MTUS2: variants seen among roughly 807,000 people sequenced by gnomAD.
The protein encoded by MTUS2 is microtubule associated scaffold protein 2.
Under a neutral mutation model 114.1 loss-of-function variants are expected in MTUS2, and 40 were observed. The ratio of observed to expected loss-of-function variants is 0.35; its 90% CI spans 0.27 to 0.46. The LOEUF (loss-of-function observed/expected upper bound fraction) is 0.46. Among genes scored for constraint, MTUS2 ranks in the 20% least tolerant of loss-of-function variants. MTUS2 has a pLI of 1.00. For synonymous variants in MTUS2, 688 were observed against 672.0 expected, an observed-to-expected ratio of 1.02 and a Z score of -0.37; for missense variants, 1,679 against 1,705.4, an observed-to-expected ratio of 0.98 and a Z score of 0.27.
chr13:29,119,708 G>A (rs1430967135), intron 5 of MTUS2, among the ~76,000 whole-genome samples: 10 of 152,112 alleles, frequency 6.6e-5, no homozygotes, highest in Non-Finnish European at 1.3e-4. Context: ...TCAACCTCCT[G>A]TAGCCTTTTT....
chr13:29,498,643 A>C (rs1386529293), intron 14 of MTUS2, 106 bp downstream of exon 14: 3 of 1,452,932 alleles, frequency 2.1e-6, no homozygotes, highest in Admixed American at 1.9e-5. Context: ...TTACCTGCCC[A>C]TTGCTTACAC....
chr13:29,503,288 A>G lies in MTUS2; in HGVS notation c.*82A>G, dbSNP rs1185974249. The G allele has an allele frequency of 9.3e-6, 14 of 1,511,468 alleles. No individual in the cohort carries two copies. The highest frequency in any genetic ancestry group is 9.0e-7 in the Non-Finnish European group (1 of 1,105,572). 93.6% of individuals were successfully genotyped at this position (1,511,468 alleles called of 1,614,324 possible). Reference sequence around the variant, plus strand: ...GGGAGCACCGACCCGGTGCCGCCGGAGCTGGCCCTGTGCGCATGCTCAGTA... The same window carrying G: ...GGGAGCACCGACCCGGTGCCGCCGGGGCTGGCCCTGTGCGCATGCTCAGTA... On this transcript the variant is annotated 3_prime_UTR_variant, in exon 16 of 16. Coordinates refer to ENST00000612955, the MANE Select transcript of MTUS2 (RefSeq NM_001033602.4).
rs543458383 is a variant in MTUS2, at chr13:29,457,491, G to A, written c.3184+17442G>A. Among the ~76,000 whole-genome samples the A allele has an allele frequency of 5.5e-5, 8 of 146,498 alleles. No homozygotes were observed. The South Asian group carries it at 1.7e-3, about 32-fold the overall frequency. ...GTTTGCTCCTTTTTATTGTTGACTA[G>A]CATTCCATTTGCATGAGTAACTATA... On this transcript the variant is annotated intron_variant, in intron 9 of 15. Coordinates refer to ENST00000612955, the MANE Select transcript of MTUS2 (RefSeq NM_001033602.4).
chr13:28,862,089 T>C (rs1354831796), intron 2 of MTUS2, among the ~76,000 whole-genome samples: 2 of 152,198 alleles, frequency 1.3e-5, no homozygotes, highest in Non-Finnish European at 2.9e-5. Context: ...CCCTTGTCTA[T>C]AGATACCCCC....
chr13:28,873,320 A>G (rs868043854), intron 2 of MTUS2, among the ~76,000 whole-genome samples: 15 of 152,192 alleles, frequency 9.9e-5, no homozygotes, highest in Admixed American at 1.3e-4. Flanking sequence ...CATCTCTTTG[A>G]GAAGTTAACC....
At chr13:29,133,011 A>G (rs907310305) in intron 5 of MTUS2, among the ~76,000 whole-genome samples, 5 of 151,806 alleles carry the variant, frequency 3.3e-5, no homozygotes, top group Admixed American at 6.6e-5. Context: ...CACATTCTTG[A>G]CAACACTTGT....
At chr13:28,958,193 T>C (rs2138200993) in intron 2 of MTUS2, among the ~76,000 whole-genome samples, 1 of 152,370 alleles carries the variant, frequency 6.6e-6, no homozygotes, top group Admixed American at 6.5e-5. Context: ...TTTGGAATCC[T>C]CAGCTCCCAG....
chr13:29,232,277 T>TAC (rs869185360), intron 5 of MTUS2, among the ~76,000 whole-genome samples: 165 of 87,566 alleles, frequency 1.9e-3, no homozygotes, highest in Middle Eastern at 0.01. Flanking sequence ...TATACATACA[T>TAC]ACACACACAC....
At chr13:29,452,590 G>T (rs1318814987) in intron 9 of MTUS2, among the ~76,000 whole-genome samples, 7 of 137,662 alleles carry the variant, frequency 5.1e-5, no homozygotes, top group African/African-American at 1.9e-4. Flanking sequence ...GTGTGTGTGT[G>T]TGTGTGTGTG....
chr13:29,197,055 A>AATTTTTTTT (rs1278769963), intron 5 of MTUS2, among the ~76,000 whole-genome samples: 1 of 152,062 alleles, frequency 6.6e-6, no homozygotes, highest in Non-Finnish European at 1.5e-5. Flanking sequence ...GTGGGTGTAC[A>AATTTTTTTT]ATTTTTTTTA....
intron 6 of MTUS2, among the ~76,000 whole-genome samples, chr13:29,315,733 A>G (rs1899961973): frequency 6.6e-6 from 1 of 152,204 alleles, no homozygotes; most frequent in South Asian, 2.1e-4. Flanking sequence ...AGTAGAAGTA[A>G]AGGAATCTGG....
chr13:29,487,793 T>C, intron 10 of MTUS2, 107 bp from the exon 11 acceptor site: 2 of 861,542 alleles, frequency 2.3e-6, no homozygotes, highest in Admixed American at 3.5e-5. Context: ...CACAAGGCTG[T>C]GACTTGTCAT....
chr13:29,072,997 A>G (rs919206524), intron 4 of MTUS2, among the ~76,000 whole-genome samples: 1 of 152,088 alleles, frequency 6.6e-6, no homozygotes, highest in Admixed American at 6.5e-5. Context: ...TGTCATGTTC[A>G]TTCCACAATC....
At position 29,083,075 on chromosome 13, in the gene MTUS2, GCTTCCCTTA is replaced by G. The variant is rs2138738115; in HGVS notation, c.2447-17695_2447-17687del. The stretch of plus-strand genomic sequence containing the variant: ...CCCAAAAAAGCCTAAAAGACCCTGG[GCTTCCCTTA>G]CTATTTTTGGTGCTGATACAATCAT... On this transcript the variant is annotated intron_variant, in intron 4 of 15. Coordinates refer to ENST00000612955, the MANE Select transcript of MTUS2 (RefSeq NM_001033602.4). Among the ~76,000 whole-genome samples, 2 of 152,234 alleles carry G rather than the reference GCTTCCCTTA, an allele frequency of 1.3e-5. 1 individual carries two copies. Among genetic ancestry groups the G allele is most frequent in the South Asian group, 4.2e-4 (2 of 4,814 alleles).
At chr13:29,264,839 C>T (rs984011986) in intron 5 of MTUS2, among the ~76,000 whole-genome samples, 5 of 152,230 alleles carry the variant, frequency 3.3e-5, no homozygotes, top group African/African-American at 7.2e-5. Context: ...GGCCTCTGGG[C>T]CTGTGATGGG....
In MTUS2 at chr13:29,076,055, G is replaced by A. The variant is rs940737476; in HGVS notation, c.2447-24718G>A. ...TAAGTTCATAAGTTACAATCTATAC[G>A]TTTCGTATTATAGAAGGTAACATTG... On this transcript the variant is annotated intron_variant, in intron 4 of 15. Transcript: ENST00000612955. Among the ~76,000 whole-genome samples the A allele has an allele frequency of 1.2e-4, 18 of 152,202 alleles. No homozygotes were observed. The East Asian group carries it at 1.5e-3, about 13-fold the overall frequency.
intron 2 of MTUS2, among the ~76,000 whole-genome samples, chr13:28,946,339 A>C (rs572109862): frequency 1.3e-5 from 2 of 151,774 alleles, no homozygotes; most frequent in South Asian, 2.1e-4. Flanking sequence ...GTGTGCATGT[A>C]CACACACACA....
chr13:29,357,211 GT>G (rs1869824255), intron 7 of MTUS2, among the ~76,000 whole-genome samples: 5 of 150,924 alleles, frequency 3.3e-5, no homozygotes, highest in Admixed American at 3.3e-4. Context: ...TATTATTATT[GT>G]TATTAAAGGT....
At chr13:29,189,899 A>G (rs1255279811) in intron 5 of MTUS2, among the ~76,000 whole-genome samples, 1 of 152,216 alleles carries the variant, frequency 6.6e-6, no homozygotes, top group African/African-American at 2.4e-5. Context: ...GAGGTGGGGC[A>G]TTTGGGAAAT....
Sources: gnomAD v4.1 joint callset for allele counts (sites outside exome capture counted in the v4.1 genomes callset) on GRCh38, gnomAD v4.1.1 for gene constraint, MANE v1.5 for transcripts, NCBI Gene and HGNC (gene_info 2026-07-23, HGNC 2026-07-21) for gene names.